Variants in DST observed in about 807,000 individuals in gnomAD.
DST encodes dystonin, also known as bullous pemphigoid antigen.
DST carries 253 observed loss-of-function variants against 875.2 expected under a neutral mutation model. That is an observed-to-expected ratio of 0.29 (90% CI 0.26 to 0.32). The LOEUF (loss-of-function observed/expected upper bound fraction) is 0.32. DST is among the 10% of genes least tolerant of loss of function. The probability of loss-of-function intolerance (pLI) is 1.00; values close to 1 mark genes in which losing one functional copy is unlikely to be tolerated. For missense variants in DST, 8,287 were observed against 9,111.6 expected (o/e 0.91, Z 3.68); for synonymous variants, 3,124 against 3,197.1 (o/e 0.98, Z 0.77).
intron 9 of DST, among the ~76,000 whole-genome samples, chr6:56,679,599 T>TAAAA (rs1165137050): frequency 1.8e-5 from 2 of 111,862 alleles, no homozygotes; most frequent in African/African-American, 3.5e-5. Flanking sequence ...TATGTCTCAT[T>TAAAA]AAAAAAAAAA....
intron 9 of DST, among the ~76,000 whole-genome samples, chr6:56,697,787 C>CT (rs746236960): frequency 3.3e-5 from 5 of 152,186 alleles, no homozygotes; most frequent in Non-Finnish European, 5.9e-5. Flanking sequence ...GTCTGGGGTT[C>CT]TTGCAGTTTC....
intron 4 of DST, among the ~76,000 whole-genome samples, chr6:56,771,798 A>G (rs1455371350): frequency 6.6e-6 from 1 of 152,222 alleles, no homozygotes; most frequent in Admixed American, 6.5e-5. Flanking sequence ...TTTCTTCTAA[A>G]TGCACATATA....
At chr6:56,829,983 T>C (rs958103860) in intron 4 of DST, among the ~76,000 whole-genome samples, 1 of 152,120 alleles carries the variant, frequency 6.6e-6, no homozygotes. Flanking sequence ...TCATAGTGAT[T>C]AGAATTTCTT....
chr6:56,728,343 G>GTTCTGTAT (rs1165450886), intron 5 of DST, among the ~76,000 whole-genome samples: 1 of 152,050 alleles, frequency 6.6e-6, no homozygotes. Context: ...ATAAATTCTT[G>GTTCTGTAT]TTCTGTATTC....
At chr6:56,684,424 TAAAG>T (rs1211416908) in intron 9 of DST, among the ~76,000 whole-genome samples, 1 of 152,168 alleles carries the variant, frequency 6.6e-6, no homozygotes, top group East Asian at 1.9e-4. Flanking sequence ...ATATTTAACT[TAAAG>T]AAAGTTATAT....
chr6:56,503,179 T>C (rs1336943136), intron 78 of DST, among the ~76,000 whole-genome samples: 2 of 152,108 alleles, frequency 1.3e-5, no homozygotes, highest in Admixed American at 6.6e-5. Context: ...GGTTAATGGG[T>C]ATAAAAAAAT....
At chr6:56,951,493 T>A (rs1297574273) in intron 2 of DST, among the ~76,000 whole-genome samples, 5 of 152,152 alleles carry the variant, frequency 3.3e-5, no homozygotes, top group Non-Finnish European at 5.9e-5. Context: ...CCAAGTAAAT[T>A]CAGAGGTATT....
chr6:56,888,333 A>G (rs887080494), intron 3 of DST, among the ~76,000 whole-genome samples: 1 of 152,212 alleles, frequency 6.6e-6, no homozygotes, highest in African/African-American at 2.4e-5. Flanking sequence ...CAGTACATTG[A>G]ATGGGTGTCA....
At chr6:56,647,820 G>T (rs2098952493) in intron 13 of DST, among the ~76,000 whole-genome samples, 1 of 151,768 alleles carries the variant, frequency 6.6e-6, no homozygotes, top group South Asian at 2.1e-4. Context: ...TGAGTAACTG[G>T]GATTACAAGT....
chr6:56,745,078 C>T (rs374235243), intron 4 of DST, among the ~76,000 whole-genome samples: 7 of 152,148 alleles, frequency 4.6e-5, no homozygotes, highest in East Asian at 1.9e-4. Context: ...TCCCCAGCCA[C>T]TCGCCCCTCC....
At position 56,492,982 on chromosome 6, in the gene DST, C is replaced by T; in HGVS notation, c.20502G>A (p.Arg6834=). 1 of 1,611,788 alleles carries T rather than the reference C, an allele frequency of 6.2e-7. No homozygotes were observed. The part of the protein sequence containing the change: ...QAEQTLNVAS[R]PSLILDTVLF... Reference sequence around the variant, plus strand: ...AGACTGTGTCCAAGATGAGACTTGGCCGAGAAGCTACATTTAGGGTCTGTT... The same window carrying T: ...AGACTGTGTCCAAGATGAGACTTGGTCGAGAAGCTACATTTAGGGTCTGTT... Residue 6834 remains arginine, a synonymous_variant, in exon 84 of 104, where the codon CGG becomes CGA. Coordinates refer to ENST00000680361, the MANE Select transcript of DST (RefSeq NM_001374736.1).
At chr6:56,512,384 C>T (rs533774729) in intron 72 of DST, among the ~76,000 whole-genome samples, 20 of 152,204 alleles carry the variant, frequency 1.3e-4, no homozygotes, top group Non-Finnish European at 2.8e-4. Context: ...TTTCATGGGT[C>T]AAAACCAAAG....
At chr6:56,915,178 C>A (rs1035781848) in intron 2 of DST, among the ~76,000 whole-genome samples, 6 of 152,200 alleles carry the variant, frequency 3.9e-5, no homozygotes, top group African/African-American at 1.4e-4. Context: ...TGAGATACTA[C>A]TCACAGACAT....
intron 5 of DST, among the ~76,000 whole-genome samples, chr6:56,723,908 T>TC (rs1237896411): frequency 6.6e-6 from 1 of 152,252 alleles, no homozygotes; most frequent in Admixed American, 6.5e-5. Context: ...CCTCCGCTGC[T>TC]CCCCCAACCC....
At chr6:56,529,866 A>C in intron 65 of DST, 92 bp from the exon 66 acceptor site, 1 of 1,468,034 alleles carries the variant, frequency 6.8e-7, no homozygotes. Flanking sequence ...TGACATGTTA[A>C]ATGGATTTAG....
rs140755026 is a variant in DST at position 56,827,239 on chromosome 6, G to A, written c.625+24158C>T. On this transcript the variant is annotated intron_variant, in intron 4 of 103. Coordinates refer to ENST00000680361, the MANE Select transcript of DST (RefSeq NM_001374736.1). ...TTTAAAAAATGGTAAAACAGGGCCG[G>A]GCGCGGTGGCTCTCGCCTGTAATCC... Among the ~76,000 whole-genome samples the A allele has an allele frequency of 5.4e-3, 815 of 152,234 alleles. 6 individuals carry two copies. Among genetic ancestry groups the A allele is most frequent in the African/African-American group, 0.019 (770 of 41,560 alleles).
intron 4 of DST, chr6:56,742,223 T>C (rs950357015): frequency 9.4e-6 from 11 of 1,172,418 alleles, no homozygotes; most frequent in Admixed American, 6.9e-5. Context: ...AACTTTCCCT[T>C]CCCAGTTCTG....
At chr6:56,792,803 C>A (rs1198003328) in intron 4 of DST, among the ~76,000 whole-genome samples, 2 of 152,142 alleles carry the variant, frequency 1.3e-5, no homozygotes, top group Non-Finnish European at 2.9e-5. Flanking sequence ...CATGGTAGCT[C>A]ACGCCTCTAG....
intron 2 of DST, among the ~76,000 whole-genome samples, chr6:56,946,070 G>A (rs977414209): frequency 6.6e-6 from 1 of 152,108 alleles, no homozygotes; most frequent in African/African-American, 2.4e-5. Context: ...TCTCAATAAA[G>A]CTGTTTTCTT....
Sources: gnomAD v4.1 joint callset for allele counts (sites outside exome capture counted in the v4.1 genomes callset) on GRCh38, gnomAD v4.1.1 for gene constraint, MANE v1.5 for transcripts, NCBI Gene and HGNC (gene_info 2026-07-23, HGNC 2026-07-21) for gene names.